PSG11: variants seen among roughly 807,000 people sequenced by gnomAD.
PSG11 encodes pregnancy specific beta-1-glycoprotein 11, also known as pregnancy-specific beta-1-glycoprotein 11.
In PSG11, 42 loss-of-function variants were observed where a neutral mutation model predicts 36.0. The ratio of observed to expected loss-of-function variants is 1.17; its 90% CI spans 0.91 to 1.51. The LOEUF (loss-of-function observed/expected upper bound fraction) is 1.51. Among genes scored for constraint, PSG11 ranks in the 40% most tolerant of loss-of-function variants. The probability of loss-of-function intolerance (pLI) is 0.00; values close to 1 mark genes in which losing one functional copy is unlikely to be tolerated. For synonymous variants in PSG11, 206 were observed against 153.5 expected (o/e 1.34, Z -2.53); for missense variants, 558 against 403.5 (o/e 1.38, Z -3.28).
In PSG11 at chr19:43,026,412, C is replaced by T. The variant is rs147377060; in HGVS notation, c.-40G>A. Reference sequence around the variant, plus strand: ...GCATGTTCTCCTCTGTGGAGATGAGCCTAGGATCCAGAAGCTTCCAGAGCA... The same window carrying T: ...GCATGTTCTCCTCTGTGGAGATGAGTCTAGGATCCAGAAGCTTCCAGAGCA... On this transcript the variant is annotated 5_prime_UTR_variant, in exon 1 of 6. Coordinates refer to ENST00000320078, the MANE Select transcript of PSG11 (RefSeq NM_002785.3). 2 of 1,603,310 alleles carry T rather than the reference C, an allele frequency of 1.2e-6. No individual in the cohort carries two copies. Among genetic ancestry groups the T allele is most frequent in the Admixed American group, 1.7e-5 (1 of 59,472 alleles).
Position 43,015,341 on chromosome 19 carries a change from A to T in PSG11, c.739T>A (p.Ser247Thr). ...TCTCCTGAATAGTAAGAGGTGACTG[A>T]AGGGAAAATTCTGGGGAGGTCTGGA... ...HGPDLPRIFP[S>T]VTSYYSGENL... The change falls in exon 4 of 6, where the codon TCA (serine) becomes ACA (threonine). Residue 247 changes from serine (S) to threonine (T), a missense_variant. By Grantham distance (58) the Ser-to-Thr change is moderately conservative. Coordinates refer to ENST00000320078, the MANE Select transcript of PSG11 (RefSeq NM_002785.3). 1 of 1,610,668 alleles carries T rather than the reference A, an allele frequency of 6.2e-7. No homozygotes were observed. Among genetic ancestry groups the T allele is most frequent in the East Asian group, 2.2e-5 (1 of 44,798 alleles).
intron 2 of PSG11, among the ~76,000 whole-genome samples, chr19:43,020,248 A>AT (rs536939945): frequency 1.3e-5 from 2 of 151,350 alleles, no homozygotes; most frequent in South Asian, 2.1e-4. Context: ...TGGAATTCTA[A>AT]TTTTTTTTAT....
chr19:43,018,940 C>T lies in PSG11; in HGVS notation c.539G>A (p.Trp180Ter). The part of the protein sequence containing the change: ...NPETPDASYL[W>*]WMNGQSLPMT... ...AGGGAGGCTCTGACCATTCATCCAC[C>T]ACAGGTAGCTTGCGTCCGGAGTCTC... The change falls in exon 3 of 6, where the codon TGG becomes TAG. Residue 180 changes from tryptophan (W) to a stop codon, truncating the protein, a stop_gained. Transcript: ENST00000320078. LOFTEE classifies it high-confidence loss of function. 6.2e-7 allele frequency: 1 copy of T among 1,612,122 alleles called. No individual in the cohort carries two copies. Among genetic ancestry groups the T allele is most frequent in the Non-Finnish European group, 8.5e-7 (1 of 1,179,142 alleles).
chr19:43,024,986 C>T lies in PSG11; in HGVS notation c.135G>A (p.Val45=), dbSNP rs1064915. Residue 45 remains valine (V), a synonymous_variant, in exon 2 of 6, where the codon GTG becomes GTA. Transcript: ENST00000320078. ...QVMIEAQPPK[V]SEGKDVLLLV... is the part of the protein sequence containing the mutation. Reference sequence around the variant, plus strand: ...GTAGAAGAACATCCTTCCCCTCGGACACTTTGGGTGGCTGGGCTTCAATCA... The same window carrying T: ...GTAGAAGAACATCCTTCCCCTCGGATACTTTGGGTGGCTGGGCTTCAATCA... 26 of 1,606,540 alleles carry T rather than the reference C, an allele frequency of 1.6e-5. No individual in the cohort carries two copies. Among genetic ancestry groups the T allele is most frequent in the Non-Finnish European group, 2.1e-5 (25 of 1,174,916 alleles).
At chr19:43,015,461 C>T (rs956887677) in intron 3 of PSG11, 91 bp from the exon 4 acceptor site, 3 of 1,458,792 alleles carry the variant, frequency 2.1e-6, no homozygotes, top group Non-Finnish European at 2.8e-6. Flanking sequence ...CCCTCTGAGC[C>T]AAGACACACC....
intron 4 of PSG11, among the ~76,000 whole-genome samples, chr19:43,012,769 GA>G (rs1974108606): frequency 6.6e-6 from 1 of 151,244 alleles, no homozygotes; most frequent in Admixed American, 6.6e-5. Flanking sequence ...CATTTTTGCA[GA>G]AAAAGAAAAA....
chr19:43,010,613 C>A (rs1201904217), intron 4 of PSG11: 2 of 335,962 alleles, frequency 6.0e-6, no homozygotes, highest in Admixed American at 9.0e-5. Context: ...CTTAGAATTG[C>A]ATTGGTACCT....
intron 5 of PSG11, among the ~76,000 whole-genome samples, chr19:43,008,364 C>T (rs1174626816): frequency 2.6e-5 from 4 of 151,138 alleles, no homozygotes; most frequent in Non-Finnish European, 5.9e-5. Flanking sequence ...GCTCTGCCTC[C>T]CGGGTTCATG....
At position 43,018,959 on chromosome 19, in the gene PSG11, G is replaced by T. The variant is rs1431607852; in HGVS notation, c.520C>A (p.Pro174Thr). 3 of 1,612,132 alleles carry T rather than the reference G, an allele frequency of 1.9e-6. No homozygotes were observed. Among genetic ancestry groups the T allele is most frequent in the South Asian group, 2.2e-5 (2 of 90,828 alleles). The change falls in exon 3 of 6, where the codon CCG becomes ACG. Residue 174 changes from proline (P) to threonine (T), a missense_variant. Coordinates refer to ENST00000320078, the MANE Select transcript of PSG11 (RefSeq NM_002785.3). ...ATCCACCACAGGTAGCTTGCGTCCG[G>T]AGTCTCAGGATTACAGGTTAAGATC... Reference protein sequence around the residue: ...TVILTCNPETPDASYLWWMNG... With the variant: ...TVILTCNPETTDASYLWWMNG...
In PSG11 at chr19:43,018,816, G is replaced by T. The variant is rs757891886; in HGVS notation, c.663C>A (p.Asn221Lys). 6.2e-7 allele frequency: 1 copy of T among 1,612,098 alleles called. No individual in the cohort carries two copies. The highest frequency in any genetic ancestry group is 8.5e-7 in the Non-Finnish European group (1 of 1,179,072). ...TAGPYECEIW[N>K]SGSASRSDPV... ...GGTCACTGCGGCTGGCACTCCCTGA[G>T]TTCCATATTTCACATTCATAGGGTC... Residue 221 changes from asparagine (N) to lysine (K), a missense_variant, in exon 3 of 6, where the codon AAC (asparagine) becomes AAA (lysine). Asn to Lys is a moderately conservative substitution (Grantham distance 94, BLOSUM62 0). Transcript: ENST00000320078.
chr19:43,025,936 CTTTTTTTTTTT>C (rs1195259262), intron 1 of PSG11, among the ~76,000 whole-genome samples: 2 of 68,148 alleles, frequency 2.9e-5, no homozygotes, highest in African/African-American at 6.4e-5. Flanking sequence ...TTTTTTTTCT[CTTTTTTTTTTT>C]TTTTTTTTTT....
At position 43,016,014 on chromosome 19, in the gene PSG11, G is replaced by T. The variant is rs1352649008; in HGVS notation, c.710-644C>A. 4 of 1,610,220 alleles carry T rather than the reference G, an allele frequency of 2.5e-6. No individual in the cohort carries two copies. In the African/African-American group the frequency reaches 4.0e-5, roughly 16 times the overall value. ...CCTTATTCTCCCTGGGGTTTAAGTT[G>T]TTGATGGTGATGTAGGGCATGGGCA... On this transcript the variant is annotated intron_variant, in intron 3 of 5. Transcript: ENST00000320078.
chr19:43,020,165 C>T (rs73557632), intron 2 of PSG11, among the ~76,000 whole-genome samples: 6,929 of 151,218 alleles, frequency 0.046, 782 homozygotes, highest in African/African-American at 0.16. Flanking sequence ...CTAGAGATCT[C>T]CTGTACAGAT....
chr19:43,010,177 A>G (rs1974037989), intron 4 of PSG11, 136 bp from the exon 5 acceptor site: 2 of 1,460,776 alleles, frequency 1.4e-6, no homozygotes. Context: ...TGGAAAATTG[A>G]TGGGAGATGA....
At position 43,014,982 on chromosome 19, in the gene PSG11, C is replaced by A. The variant is rs550395282; in HGVS notation, c.964+134G>T. Reference sequence around the variant, plus strand: ...TCTGTAGAGACAAATTGGGAGGGTTCAGGAGGAGAATTTGGGATTTGCCTG... The same window carrying A: ...TCTGTAGAGACAAATTGGGAGGGTTAAGGAGGAGAATTTGGGATTTGCCTG... On this transcript the variant is annotated intron_variant, in intron 4 of 5. Coordinates refer to ENST00000320078, the MANE Select transcript of PSG11 (RefSeq NM_002785.3). 97 of 1,570,912 alleles carry A rather than the reference C, an allele frequency of 6.2e-5. 4 individuals carry two copies. Among genetic ancestry groups the A allele is most frequent in the Non-Finnish European group, 7.8e-5 (91 of 1,159,432 alleles).
At chr19:43,020,628 G>A (rs1967080361) in intron 2 of PSG11, among the ~76,000 whole-genome samples, 1 of 151,408 alleles carries the variant, frequency 6.6e-6, no homozygotes. Context: ...GGTGTGCCAT[G>A]AATTCCAGCA....
intron 3 of PSG11, chr19:43,015,642 C>T (rs1285125772): frequency 6.6e-7 from 1 of 1,510,912 alleles, no homozygotes; most frequent in African/African-American, 1.4e-5. Flanking sequence ...GGCAGGGAGT[C>T]ATGGCCACCT....
intron 4 of PSG11, chr19:43,014,658 C>G (rs373964799): frequency 1.8e-5 from 20 of 1,126,050 alleles, no homozygotes; most frequent in Non-Finnish European, 2.2e-5. Flanking sequence ...AGAGTCTGAG[C>G]TGCTCCTCCC....
chr19:43,025,656 T>A (rs1487387779), intron 1 of PSG11, among the ~76,000 whole-genome samples: 1 of 39,318 alleles, frequency 2.5e-5, no homozygotes, highest in Non-Finnish European at 4.6e-5. Flanking sequence ...GCCCTGGGTG[T>A]TTTTTTTTTT....
Sources: gnomAD v4.1 joint callset for allele counts (sites outside exome capture counted in the v4.1 genomes callset) on GRCh38, gnomAD v4.1.1 for gene constraint, MANE v1.5 for transcripts, NCBI Gene and HGNC (gene_info 2026-07-23, HGNC 2026-07-21) for gene names.